PANK3: variants seen among roughly 807,000 people sequenced by gnomAD.
PANK3 encodes hPanK3.
A neutral mutation model predicts 39.4 loss-of-function variants in PANK3; 20 were observed. That is an observed-to-expected ratio of 0.51 (90% confidence interval 0.36 to 0.74). PANK3 has a LOEUF of 0.74. Ranked by LOEUF, PANK3 falls within the 30% of genes least tolerant of loss-of-function variation. PANK3 has a pLI of 0.00. For synonymous variants in PANK3, 140 were observed against 157.3 expected, an observed-to-expected ratio of 0.89 and a Z score of 0.82; for missense variants, 265 against 437.0, an observed-to-expected ratio of 0.61 and a Z score of 3.51.
At chr5:168,567,019 C>T (rs1226168015) in intron 2 of PANK3, among the ~76,000 whole-genome samples, 1 of 152,210 alleles carries the variant, frequency 6.6e-6, no homozygotes, top group East Asian at 1.9e-4. Context: ...GCTGGAATTA[C>T]AGGCGTGAGC....
chr5:168,567,012 G>C (rs35169237), intron 2 of PANK3, among the ~76,000 whole-genome samples: 1 of 152,082 alleles, frequency 6.6e-6, no homozygotes. Context: ...CCAAAGTGCT[G>C]GAATTACAGG....
chr5:168,561,574 T>G, intron 4 of PANK3, 58 bp from the exon 5 acceptor site: 1 of 1,403,764 alleles, frequency 7.1e-7, no homozygotes, highest in Non-Finnish European at 9.5e-7. Flanking sequence ...ATTTTACGTA[T>G]TAACAGATAT....
At chr5:168,560,531 T>C (rs1455729734) in intron 5 of PANK3, among the ~76,000 whole-genome samples, 1 of 152,182 alleles carries the variant, frequency 6.6e-6, no homozygotes, top group Non-Finnish European at 1.5e-5. Flanking sequence ...TTACTTAATA[T>C]GTCACTAGAA....
chr5:168,566,835 G>A (rs1582465001), intron 2 of PANK3, among the ~76,000 whole-genome samples: 2 of 152,040 alleles, frequency 1.3e-5, no homozygotes, highest in South Asian at 2.1e-4. Flanking sequence ...CCTCCACCTC[G>A]TGGGTTCAAG....
intron 6 of PANK3, among the ~76,000 whole-genome samples, chr5:168,558,826 T>G (rs1292581942): frequency 1.3e-5 from 2 of 152,036 alleles, no homozygotes; most frequent in African/African-American, 4.8e-5. Flanking sequence ...AAAATATTAA[T>G]AAAAATAAAT....
chr5:168,579,351 G>C lies in PANK3; in HGVS notation c.-68C>G. Reference sequence around the variant, plus strand: ...ACTGAGAGCAGAGGCGGCGACTCCGGAGGTGGCTGGGCCGCGCGGCGAGGC... The same window carrying C: ...ACTGAGAGCAGAGGCGGCGACTCCGCAGGTGGCTGGGCCGCGCGGCGAGGC... On this transcript the variant is annotated 5_prime_UTR_variant, in exon 1 of 7. Transcript: ENST00000239231. The C allele has an allele frequency of 7.5e-7, 1 of 1,341,284 alleles. No homozygotes were observed. The highest frequency in any genetic ancestry group is 2.8e-5 in the East Asian group (1 of 35,400). 83.1% of individuals were successfully genotyped at this position (1,341,284 alleles called of 1,614,324 possible).
rs1415485953 is a variant in PANK3, at chr5:168,579,263, C to A, written c.21G>T (p.Lys7Asn). 2.0e-6 allele frequency: 3 copies of A among 1,500,630 alleles called. No individual in the cohort carries two copies. Among genetic ancestry groups the A allele is most frequent in the Non-Finnish European group, 2.7e-6 (3 of 1,121,980 alleles). 93.0% of individuals were successfully genotyped at this position (1,500,630 alleles called of 1,614,324 possible). ...CCCCAGCCCCCGTCTTACAGGGTTT[C>A]TTGGCATCTTTGATCTTCATGGCGT... Reference protein sequence around the residue: MKIKDAKKPSFPWFGMD... With the variant: MKIKDANKPSFPWFGMD... Residue 7 changes from lysine to asparagine, a missense_variant, in exon 1 of 7, where the codon AAG becomes AAT. Physicochemically the swap from Lys to Asn is moderately conservative, Grantham distance 94. This residue lies in a region of PANK3 where 154 missense variants were observed against 256.8 expected (regional missense o/e 0.60). Coordinates refer to ENST00000239231, the MANE Select transcript of PANK3 (RefSeq NM_024594.4).
In PANK3 at chr5:168,554,965, A is replaced by C. The variant is rs537161362; in HGVS notation, c.*2606T>G. ...ACTGAAATTACCTGCTAGAGTGAGC[A>C]ACCATCTCACCACTGTGGCTCTTTA... On this transcript the variant is annotated 3_prime_UTR_variant, in exon 7 of 7. Transcript: ENST00000239231. 1 of 152,358 alleles carries C rather than the reference A, an allele frequency of 6.6e-6. No homozygotes were observed. The highest frequency in any genetic ancestry group is 2.1e-4 in the South Asian group (1 of 4,832). 9.4% of individuals were successfully genotyped at this position (152,358 alleles called of 1,614,324 possible).
Position 168,566,051 on chromosome 5 carries a change from G to C in PANK3, c.597C>G (p.Val199=), listed in dbSNP as rs1292517414. ...CTCGTTTATAGTTGTCTTTGGAATGGACTGCTAAAATACTGACTCCTGAGC... is the reference window on the plus strand; with the variant it reads ...CTCGTTTATAGTTGTCTTTGGAATGCACTGCTAAAATACTGACTCCTGAGC... The part of the protein sequence containing the change: ...NIGSGVSILA[V]HSKDNYKRVT... The change falls in exon 3 of 7, where the codon GTC becomes GTG. Residue 199 remains valine, a synonymous_variant. Coordinates refer to ENST00000239231, the MANE Select transcript of PANK3 (RefSeq NM_024594.4). 1 of 1,613,300 alleles carries C rather than the reference G, an allele frequency of 6.2e-7. No individual in the cohort carries two copies. Among genetic ancestry groups the C allele is most frequent in the Non-Finnish European group, 8.5e-7 (1 of 1,179,756 alleles).
intron 5 of PANK3, chr5:168,560,877 T>C (rs1172405873): frequency 2.0e-5 from 9 of 448,762 alleles, no homozygotes; most frequent in Non-Finnish European, 3.4e-5. Flanking sequence ...ACCACTCAAA[T>C]ATCATGAAGA....
intron 1 of PANK3, among the ~76,000 whole-genome samples, chr5:168,573,440 A>AAAAAAAAAAAAAAAC (rs1759679755): frequency 7.0e-6 from 1 of 142,180 alleles, no homozygotes; most frequent in South Asian, 2.4e-4. Context: ...AAAAAAAAAA[A>AAAAAAAAAAAAAAAC]AAAAAAGGCA....
intron 5 of PANK3, among the ~76,000 whole-genome samples, chr5:168,560,536 C>T (rs1759430664): frequency 6.6e-6 from 1 of 152,134 alleles, no homozygotes; most frequent in African/African-American, 2.4e-5. Context: ...TAATATGTCA[C>T]TAGAATGAAT....
In PANK3 at chr5:168,552,579, T is replaced by C. The variant is rs765473871; in HGVS notation, c.*4992A>G. 5 of 206,684 alleles carry C rather than the reference T, an allele frequency of 2.4e-5. No homozygotes were observed. Among genetic ancestry groups the C allele is most frequent in the Non-Finnish European group, 5.6e-5 (5 of 88,824 alleles). 12.8% of individuals were successfully genotyped at this position (206,684 alleles called of 1,614,324 possible). On this transcript the variant is annotated 3_prime_UTR_variant, in exon 7 of 7. Transcript: ENST00000239231. ...CAAACTGAAGAGTGTGGCCACAGTA[T>C]TCCAGGGAACGGAGTCTGGTCCAAC...
In PANK3 at chr5:168,552,471, T is replaced by G. The variant is rs961328797; in HGVS notation, c.*5100A>C. 4 of 158,486 alleles carry G rather than the reference T, an allele frequency of 2.5e-5. No homozygotes were observed. The highest frequency in any genetic ancestry group is 9.6e-5 in the African/African-American group (4 of 41,480). The allele number at this position is 158,486 out of a possible 1,614,324, so 9.8% of individuals were successfully genotyped here. A position where few individuals can be genotyped will look rare whatever the true frequency, so the allele number is the denominator to read the frequency against. Reference sequence around the variant, plus strand: ...CCATGACCCTAAAGCAACAACACACTTAAACTAGATAATAATTGTTCAGGA... The same window carrying G: ...CCATGACCCTAAAGCAACAACACACGTAAACTAGATAATAATTGTTCAGGA... On this transcript the variant is annotated 3_prime_UTR_variant, in exon 7 of 7. Coordinates refer to ENST00000239231, the MANE Select transcript of PANK3 (RefSeq NM_024594.4).
In PANK3 at chr5:168,555,936, G is replaced by A. The variant is rs1409985112; in HGVS notation, c.*1635C>T. Reference sequence around the variant, plus strand: ...CCTAAGACACAACTTCCTACATAGAGGAAATAAGAGGAACAAACCCCTTTT... The same window carrying A: ...CCTAAGACACAACTTCCTACATAGAAGAAATAAGAGGAACAAACCCCTTTT... On this transcript the variant is annotated 3_prime_UTR_variant, in exon 7 of 7. Transcript: ENST00000239231. 3 of 152,170 alleles carry A rather than the reference G, an allele frequency of 2.0e-5. No individual in the cohort carries two copies. Among genetic ancestry groups the A allele is most frequent in the Non-Finnish European group, 4.4e-5 (3 of 68,044 alleles). The allele number at this position is 152,170 out of a possible 1,614,324, so 9.4% of individuals were successfully genotyped here.
chr5:168,576,905 A>T (rs1759740040), intron 1 of PANK3, among the ~76,000 whole-genome samples: 1 of 151,952 alleles, frequency 6.6e-6, no homozygotes, highest in Admixed American at 6.6e-5. Flanking sequence ...TTTGAGACGG[A>T]GTGTTGCTCT....
At position 168,559,086 on chromosome 5, in the gene PANK3, A is replaced by G. The variant is rs368782913; in HGVS notation, c.1008T>C (p.Tyr336=). Residue 336 remains tyrosine, a synonymous_variant, in exon 6 of 7, where the codon TAT becomes TAC. Coordinates refer to ENST00000239231, the MANE Select transcript of PANK3 (RefSeq NM_024594.4). ...GACCTTTTGACCAGTAATCCAGTGC[A>G]TATGCCAAAAGTTTCATTGAGAGGG... The part of the protein sequence containing the change: ...VNTLSMKLLA[Y]ALDYWSKGQL... 9 of 1,610,486 alleles carry G rather than the reference A, an allele frequency of 5.6e-6. No homozygotes were observed. The highest frequency in any genetic ancestry group is 2.2e-5 in the East Asian group (1 of 44,748).
At chr5:168,565,511 G>GA (rs1371628849) in intron 3 of PANK3, among the ~76,000 whole-genome samples, 9 of 151,846 alleles carry the variant, frequency 5.9e-5, no homozygotes, top group African/African-American at 2.2e-4. Context: ...AAATGCTTTG[G>GA]AAAAAAGAAC....
In PANK3 at chr5:168,566,148, G is replaced by A. The variant is rs1759528831; in HGVS notation, c.500C>T (p.Ser167Leu). 3 of 1,614,010 alleles carry A rather than the reference G, an allele frequency of 1.9e-6. No individual in the cohort carries two copies. The highest frequency in any genetic ancestry group is 2.5e-6 in the Non-Finnish European group (3 of 1,180,002). ...QAECYYFANA[S>L]EPERCQKMPF... is the part of the protein sequence containing the mutation. ...CATCTTTTGGCATCGCTCAGGTTCTGAGGCATTAGCAAAATAATAGCACTC... is the reference window on the plus strand; with the variant it reads ...CATCTTTTGGCATCGCTCAGGTTCTAAGGCATTAGCAAAATAATAGCACTC... The change falls in exon 3 of 7, where the codon TCA becomes TTA. Residue 167 changes from serine (S) to leucine (L), a missense_variant. Ser to Leu is a moderately radical substitution (Grantham distance 145, BLOSUM62 -2). Transcript: ENST00000239231.
Sources: allele counts gnomAD v4.1 joint callset (sites outside exome capture counted in the v4.1 genomes callset), GRCh38; gene constraint gnomAD v4.1.1; regional missense constraint gnomAD v4.1.1; transcripts MANE v1.5; gene names NCBI Gene and HGNC (gene_info 2026-07-23, HGNC 2026-07-21).